Variants in XIAP observed in about 807,000 individuals in gnomAD.
XIAP encodes X-linked inhibitor of apoptosis, also known as E3 ubiquitin-protein ligase XIAP.
Under a neutral mutation model 33.1 loss-of-function variants are expected in XIAP, and 3 were observed. The observed-to-expected ratio is 0.09, with a 90% CI of 0.04 to 0.23. XIAP has a LOEUF of 0.23. Among genes scored for constraint, XIAP ranks in the 10% least tolerant of loss-of-function variants. XIAP has a pLI of 1.00. For missense variants in XIAP, 264 were observed against 363.0 expected, an observed-to-expected ratio of 0.73 and a Z score of 2.22; for synonymous variants, 98 against 121.3, an observed-to-expected ratio of 0.81 and a Z score of 1.26.
rs770072151 is a variant in XIAP at position 123,908,930 on chromosome X, G to A, written c.*1749G>A. 5.7e-6 allele frequency: 2 copies of A among 348,814 alleles called. No individual in the cohort carries two copies. The highest frequency in any genetic ancestry group is 5.3e-5 in the South Asian group (2 of 37,520). 28.7% of individuals were successfully genotyped at this position (348,814 alleles called of 1,213,427 possible). ...TAAAACTGTAAAAAATTATATTTTT[G>A]TTGTACTTTCTAAGAGAAAGAGTAT... On this transcript the variant is annotated 3_prime_UTR_variant, in exon 7 of 7. Transcript: ENST00000371199.
At position 123,867,109 on chromosome X, in the gene XIAP, G is replaced by C. The variant is rs181755195; in HGVS notation, c.-33+6816G>C. Among the ~76,000 whole-genome samples, 15 of 79,129 alleles carry C rather than the reference G, an allele frequency of 1.9e-4. No individual in the cohort carries two copies. The East Asian group carries it at 3.6e-3, about 19-fold the overall frequency. 68.7% of individuals were successfully genotyped at this position (79,129 alleles called of 115,157 possible). Reference sequence around the variant, plus strand: ...TTTTGAGACGGAGTCTCGCTCTGTCGCCCAGGCTGGAGTGCAGTGGTGCGA... The same window carrying C: ...TTTTGAGACGGAGTCTCGCTCTGTCCCCCAGGCTGGAGTGCAGTGGTGCGA... On this transcript the variant is annotated intron_variant, in intron 1 of 6. Coordinates refer to ENST00000371199, the MANE Select transcript of XIAP (RefSeq NM_001167.4).
At chrX:123,866,410 A>G (rs917302188) in intron 1 of XIAP, among the ~76,000 whole-genome samples, 1 of 103,385 alleles carries the variant, frequency 9.7e-6, no homozygotes, top group South Asian at 3.8e-4. Context: ...ATGTGTTTCT[A>G]TATATATTAT....
At chrX:123,876,169 T>C (rs181971879) in intron 1 of XIAP, among the ~76,000 whole-genome samples, 1 of 109,987 alleles carries the variant, frequency 9.1e-6, no homozygotes, top group Admixed American at 9.8e-5. Flanking sequence ...CGCCTTAACC[T>C]CCCAAAGTGT....
intron 2 of XIAP, among the ~76,000 whole-genome samples, chrX:123,887,940 C>T (rs946718051): frequency 8.3e-5 from 9 of 108,843 alleles, no homozygotes; most frequent in African/African-American, 1.0e-4. Flanking sequence ...GCCGTGATCG[C>T]GCCATTGCAC....
intron 1 of XIAP, among the ~76,000 whole-genome samples, chrX:123,884,001 A>G (rs1218741562): frequency 8.9e-6 from 1 of 112,191 alleles, no homozygotes; most frequent in South Asian, 3.6e-4. Context: ...ACTATATTCC[A>G]AAAGTTTTAT....
At chrX:123,862,803 C>T (rs1468211461) in intron 1 of XIAP, among the ~76,000 whole-genome samples, 1 of 108,409 alleles carries the variant, frequency 9.2e-6, no homozygotes, top group Non-Finnish European at 1.9e-5. Context: ...TGCAGTGAGC[C>T]GAGATTGCAC....
intron 1 of XIAP, among the ~76,000 whole-genome samples, chrX:123,884,019 T>C (rs1310412391): frequency 8.9e-6 from 1 of 112,206 alleles, no homozygotes; most frequent in Non-Finnish European, 1.9e-5. Context: ...TATGCAGATA[T>C]AACTCAGCTG....
rs1156418835 is a variant in XIAP, at chrX:123,909,527, A to T, written c.*2346A>T. ...TTTCTACAAGGGGAGAAAAGTGTTAAAATTTTTAAAATATGTTTTCCAGGA... is the reference window on the plus strand; with the variant it reads ...TTTCTACAAGGGGAGAAAAGTGTTATAATTTTTAAAATATGTTTTCCAGGA... On this transcript the variant is annotated 3_prime_UTR_variant, in exon 7 of 7. Coordinates refer to ENST00000371199, the MANE Select transcript of XIAP (RefSeq NM_001167.4). The T allele has an allele frequency of 6.1e-6, 2 of 325,278 alleles. No individual in the cohort carries two copies. The highest frequency in any genetic ancestry group is 1.2e-5 in the Non-Finnish European group (2 of 169,284). 26.8% of individuals were successfully genotyped at this position (325,278 alleles called of 1,213,427 possible).
intron 1 of XIAP, among the ~76,000 whole-genome samples, chrX:123,865,811 A>G (rs1356190774): frequency 2.7e-5 from 3 of 111,518 alleles, no homozygotes; most frequent in Non-Finnish European, 5.6e-5. Context: ...GCTGGAGTTC[A>G]GTGCATGATC....
In XIAP at chrX:123,911,825, C is replaced by T. The variant is rs894300957; in HGVS notation, c.*4644C>T. On this transcript the variant is annotated 3_prime_UTR_variant, in exon 7 of 7. Coordinates refer to ENST00000371199, the MANE Select transcript of XIAP (RefSeq NM_001167.4). ...TTTTCAGTTTGACTCATACAGTTAA[C>T]ACAATGTGAATTTCTTCCTCAGCAT... The T allele has an allele frequency of 2.1e-5, 7 of 327,983 alleles. No individual in the cohort carries two copies. The highest frequency in any genetic ancestry group is 1.9e-4 in the African/African-American group (7 of 37,716). The allele number at this position is 327,983 out of a possible 1,213,427, so 27.0% of individuals were successfully genotyped here. A position where few individuals can be genotyped will look rare whatever the true frequency, so the allele number is the denominator to read the frequency against.
At chrX:123,882,047 G>T (rs2053309268) in intron 1 of XIAP, among the ~76,000 whole-genome samples, 1 of 112,035 alleles carries the variant, frequency 8.9e-6, no homozygotes, top group Non-Finnish European at 1.9e-5. Flanking sequence ...GAGCCACTGT[G>T]CCTGGCCACT....
intron 3 of XIAP, among the ~76,000 whole-genome samples, chrX:123,889,985 A>G (rs1259947422): frequency 2.1e-5 from 2 of 94,743 alleles, no homozygotes; most frequent in African/African-American, 7.8e-5. Context: ...TCTATGACAT[A>G]CAGTTGTTCA....
intron 1 of XIAP, among the ~76,000 whole-genome samples, chrX:123,881,343 C>T (rs904257297): frequency 8.1e-5 from 9 of 111,220 alleles, no homozygotes; most frequent in Non-Finnish European, 1.7e-4. Flanking sequence ...GTATCATTTT[C>T]CCCACCTCCA....
At chrX:123,864,969 A>G (rs2053120757) in intron 1 of XIAP, among the ~76,000 whole-genome samples, 1 of 100,028 alleles carries the variant, frequency 1.0e-5, no homozygotes, top group Non-Finnish European at 2.0e-5. Context: ...GGCGCGAGCC[A>G]TCACACCAGG....
intron 1 of XIAP, among the ~76,000 whole-genome samples, chrX:123,864,931 G>A (rs774912928): frequency 6.7e-4 from 72 of 107,147 alleles, no homozygotes; most frequent in African/African-American, 2.1e-3. Context: ...ATCTGCCTGC[G>A]TTGGCCTCCT....
At chrX:123,899,241 G>GTA (rs752247433) in intron 5 of XIAP, among the ~76,000 whole-genome samples, 1 of 75,391 alleles carries the variant, frequency 1.3e-5, no homozygotes. Context: ...ATATGATTTT[G>GTA]TATATATATA....
chrX:123,907,874 A>G lies in XIAP; in HGVS notation c.*693A>G, dbSNP rs752761809. On this transcript the variant is annotated 3_prime_UTR_variant, in exon 7 of 7. Transcript: ENST00000371199. The stretch of plus-strand genomic sequence containing the variant: ...CACTATGTATAGTCTGAGCCAGATC[A>G]AAGTATGTATGTTTTTAATATGCAT... The G allele has an allele frequency of 1.3e-5, 5 of 370,638 alleles. No individual in the cohort carries two copies. Among genetic ancestry groups the G allele is most frequent in the South Asian group, 5.3e-5 (2 of 37,478 alleles). The allele number at this position is 370,638 out of a possible 1,213,427, so 30.5% of individuals were successfully genotyped here.
At position 123,910,023 on chromosome X, in the gene XIAP, A is replaced by T. The variant is rs1406468113; in HGVS notation, c.*2842A>T. The T allele has an allele frequency of 2.8e-5, 9 of 327,145 alleles. No homozygotes were observed. In the Admixed American group the frequency reaches 2.8e-4, roughly 10 times the overall value. The allele number at this position is 327,145 out of a possible 1,213,427, so 27.0% of individuals were successfully genotyped here. A position where few individuals can be genotyped will look rare whatever the true frequency, so the allele number is the denominator to read the frequency against. Reference sequence around the variant, plus strand: ...ACTATTCCTTTTCTGTATAAAGTTCACTCTAGGATTTCAAGTCACCACTTA... The same window carrying T: ...ACTATTCCTTTTCTGTATAAAGTTCTCTCTAGGATTTCAAGTCACCACTTA... On this transcript the variant is annotated 3_prime_UTR_variant, in exon 7 of 7. Transcript: ENST00000371199.
intron 3 of XIAP, among the ~76,000 whole-genome samples, chrX:123,889,315 C>T (rs2053382855): frequency 9.2e-6 from 1 of 109,050 alleles, no homozygotes; most frequent in Admixed American, 1.0e-4. Context: ...TGGTCTTGAT[C>T]TCCTGACCTT....
Sources: allele counts gnomAD v4.1 joint callset (sites outside exome capture counted in the v4.1 genomes callset), GRCh38; gene constraint gnomAD v4.1.1; transcripts MANE v1.5; gene names NCBI Gene and HGNC (gene_info 2026-07-23, HGNC 2026-07-21).